Variants in MTM1 observed in about 807,000 individuals in gnomAD.
MTM1 encodes the protein myotubularin 1.
A neutral mutation model predicts 52.1 loss-of-function variants in MTM1; 9 were observed. That is an observed-to-expected ratio of 0.17 (90% CI 0.10 to 0.30). The LOEUF (loss-of-function observed/expected upper bound fraction) is 0.30. MTM1 is among the 10% of genes least tolerant of loss of function. The pLI is 1.00. For missense variants in MTM1, 277 were observed against 470.7 expected (o/e 0.59, Z 3.81); for synonymous variants, 136 against 163.8 (o/e 0.83, Z 1.29).
intron 1 of MTM1, among the ~76,000 whole-genome samples, chrX:150,587,970 T>G (rs2038819281): frequency 8.9e-6 from 1 of 111,969 alleles, no homozygotes; most frequent in Non-Finnish European, 1.9e-5. Context: ...GGTTTTCATT[T>G]CAGCCTAGCA....
At chrX:150,614,152 A>G (rs1316789947) in intron 4 of MTM1, among the ~76,000 whole-genome samples, 3 of 112,247 alleles carry the variant, frequency 2.7e-5, no homozygotes, top group Admixed American at 1.9e-4. Context: ...TCATGGGGAC[A>G]ATTTTGGTAG....
intron 8 of MTM1, among the ~76,000 whole-genome samples, chrX:150,644,435 C>T (rs1373027584): frequency 1.8e-5 from 2 of 111,626 alleles, no homozygotes; most frequent in African/African-American, 6.5e-5. Context: ...GTGCAAGGAC[C>T]ATATTTGTTC....
intron 13 of MTM1, among the ~76,000 whole-genome samples, 191 bp from the exon 14 acceptor site, chrX:150,663,230 GCTAGGCCATTAC>G (rs1303620481): frequency 8.9e-6 from 1 of 112,244 alleles, no homozygotes; most frequent in Non-Finnish European, 1.9e-5. Context: ...TGGCTCTCAA[GCTAGGCCATTAC>G]CTATGCAAAT....
At chrX:150,613,151 A>AG (rs1315484087) in intron 4 of MTM1, among the ~76,000 whole-genome samples, 4 of 104,456 alleles carry the variant, frequency 3.8e-5, no homozygotes, top group African/African-American at 1.1e-4. Flanking sequence ...AAAAAAAAAA[A>AG]GGGGGGAAAG....
At chrX:150,612,372 A>G (rs1340822376) in intron 4 of MTM1, among the ~76,000 whole-genome samples, 1 of 111,512 alleles carries the variant, frequency 9.0e-6, no homozygotes, top group African/African-American at 3.3e-5. Context: ...TATTTTATGA[A>G]TAACTGCTTA....
At chrX:150,659,571 C>A in intron 11 of MTM1, 93 bp from the exon 12 acceptor site, 2 of 713,767 alleles carry the variant, frequency 2.8e-6, no homozygotes, top group South Asian at 2.3e-5. Context: ...TTAGAAGGCA[C>A]ATTGCTGAAT....
intron 4 of MTM1, among the ~76,000 whole-genome samples, chrX:150,601,063 G>C (rs1256435715): frequency 8.9e-6 from 1 of 111,967 alleles, no homozygotes; most frequent in Non-Finnish European, 1.9e-5. Flanking sequence ...CCTTTCACTT[G>C]TCAATATTTT....
At chrX:150,623,674 T>G (rs891701919) in intron 6 of MTM1, among the ~76,000 whole-genome samples, 1 of 110,912 alleles carries the variant, frequency 9.0e-6, no homozygotes, top group South Asian at 4.0e-4. Flanking sequence ...CAGCCCAGTT[T>G]GTGGGGCAGT....
At chrX:150,563,610 G>A (rs1557411120), upstream of MTM1, among the ~76,000 whole-genome samples, 1 of 106,205 alleles carries the variant, frequency 9.4e-6, no homozygotes, top group Non-Finnish European at 1.9e-5. Flanking sequence ...ATTGGGCCGG[G>A]CACGATGGCT....
intron 1 of MTM1, among the ~76,000 whole-genome samples, chrX:150,572,095 G>A (rs946454331): frequency 1.8e-5 from 2 of 112,091 alleles, no homozygotes; most frequent in Non-Finnish European, 3.8e-5. Context: ...TGGTAAATGA[G>A]CCTTTTGTTT....
At chrX:150,566,614 C>G (rs1569565256), upstream of MTM1, among the ~76,000 whole-genome samples, 1 of 110,560 alleles carries the variant, frequency 9.0e-6, no homozygotes, top group African/African-American at 3.3e-5. Context: ...AGAGGTGGGG[C>G]TGGGCTGGGG....
chrX:150,585,114 T>G (rs28396582), intron 1 of MTM1, among the ~76,000 whole-genome samples: 36 of 108,989 alleles, frequency 3.3e-4, no homozygotes, highest in South Asian at 7.9e-4. Flanking sequence ...TATGTGTGTG[T>G]GGGGGGAGGT....
At chrX:150,567,375 G>A (rs1350309991), upstream of MTM1, among the ~76,000 whole-genome samples, 1 of 111,187 alleles carries the variant, frequency 9.0e-6, no homozygotes, top group Non-Finnish European at 1.9e-5. Flanking sequence ...AGAAACACAC[G>A]TACACATATA....
intron 6 of MTM1, among the ~76,000 whole-genome samples, chrX:150,636,907 C>T (rs187752421): frequency 8.9e-6 from 1 of 112,522 alleles, no homozygotes; most frequent in Non-Finnish European, 1.9e-5. Context: ...GTGCTATTTT[C>T]GCCCAAAGTC....
chrX:150,591,844 G>T (rs2038890770), intron 1 of MTM1, among the ~76,000 whole-genome samples: 1 of 112,767 alleles, frequency 8.9e-6, no homozygotes, highest in South Asian at 3.6e-4. Context: ...TGAATTGGAT[G>T]TGGTTTACCT....
At chrX:150,615,160 T>C (rs1227836476) in intron 5 of MTM1, among the ~76,000 whole-genome samples, 1 of 111,682 alleles carries the variant, frequency 9.0e-6, no homozygotes, top group Admixed American at 9.5e-5. Context: ...ATAGTAACCA[T>C]GTATTGAACA....
intron 4 of MTM1, among the ~76,000 whole-genome samples, chrX:150,605,683 G>A (rs1347644896): frequency 8.9e-6 from 1 of 112,241 alleles, no homozygotes; most frequent in East Asian, 2.8e-4. Context: ...GTAATATTTG[G>A]AGAATCAAGA....
Position 150,622,194 on chromosome X carries a change from C to CA in MTM1, c.444+3073dup, listed in dbSNP as rs10717650. Reference sequence around the variant, plus strand: ...GGAAGTCAATAAAGTAAGAAACTGCCAAAAAAAAAAAAAAAAAAGTCAACT... The same window carrying CA: ...GGAAGTCAATAAAGTAAGAAACTGCCAAAAAAAAAAAAAAAAAAAGTCAACT... On this transcript the variant is annotated intron_variant, in intron 6 of 14. Transcript: ENST00000370396. Among the ~76,000 whole-genome samples, 631 of 67,961 alleles carry CA rather than the reference C, an allele frequency of 9.3e-3. 5 individuals are homozygous for CA. The highest frequency in any genetic ancestry group is 0.039 in the Middle Eastern group (5 of 129). 59.0% of individuals were successfully genotyped at this position (67,961 alleles called of 115,157 possible). A position where few individuals can be genotyped will look rare whatever the true frequency, so the allele number is the denominator to read the frequency against.
intron 2 of MTM1, among the ~76,000 whole-genome samples, chrX:150,595,939 CT>C (rs1458917876): frequency 2.7e-5 from 3 of 112,280 alleles, no homozygotes; most frequent in African/African-American, 6.5e-5. Context: ...ACAGACCACT[CT>C]TACCTCTTAT....
Sources: allele counts gnomAD v4.1 joint callset (sites outside exome capture counted in the v4.1 genomes callset), GRCh38; gene constraint gnomAD v4.1.1; transcripts MANE v1.5; gene names NCBI Gene and HGNC (gene_info 2026-07-23, HGNC 2026-07-21).